The following TBC1D22A variants were observed in gnomAD, a reference collection of about 807,000 sequenced individuals.
TBC1D22A encodes the protein TBC1 domain family member 22A.
Under a neutral mutation model 60.2 loss-of-function variants are expected in TBC1D22A, and 38 were observed. The observed-to-expected ratio is 0.63, with a 90% CI of 0.49 to 0.83. The LOEUF is 0.83. Ranked by LOEUF, TBC1D22A falls within the 40% of genes least tolerant of loss-of-function variation. TBC1D22A has a pLI of 0.00. For synonymous variants in TBC1D22A, 302 were observed against 281.7 expected (o/e 1.07, Z -0.72); for missense variants, 628 against 701.0 (o/e 0.90, Z 1.18).
intron 11 of TBC1D22A, among the ~76,000 whole-genome samples, chr22:47,069,229 C>T (rs74697829): frequency 0.012 from 1,773 of 152,338 alleles, 29 homozygotes; most frequent in African/African-American, 0.04. Context: ...ATCTGGCACA[C>T]GTAGACCAAA....
intron 12 of TBC1D22A, among the ~76,000 whole-genome samples, chr22:47,122,875 G>A (rs1199636193): frequency 1.3e-5 from 2 of 152,172 alleles, no homozygotes; most frequent in Non-Finnish European, 1.5e-5. Flanking sequence ...TTCATGAGAG[G>A]CCTCAAAGCA....
intron 12 of TBC1D22A, among the ~76,000 whole-genome samples, chr22:47,114,362 C>A (rs1348125042): frequency 2.0e-5 from 3 of 151,870 alleles, no homozygotes; most frequent in Admixed American, 2.0e-4. Context: ...GGCAGAGGAG[C>A]CATGAGATTG....
chr22:47,063,635 G>T (rs1002735456), intron 11 of TBC1D22A, among the ~76,000 whole-genome samples: 2 of 152,154 alleles, frequency 1.3e-5, no homozygotes, highest in African/African-American at 4.8e-5. Flanking sequence ...GGACTGGGCT[G>T]TCACTCGCGT....
rs79174316 is a variant in TBC1D22A at position 47,061,560 on chromosome 22, C to T, written c.1329+24362C>T. Among the ~76,000 whole-genome samples the T allele has an allele frequency of 6.2e-3, 939 of 152,290 alleles. 6 individuals carry two copies. Among genetic ancestry groups the T allele is most frequent in the Non-Finnish European group, 0.01 (694 of 68,038 alleles). On this transcript the variant is annotated intron_variant, in intron 11 of 12. Coordinates refer to ENST00000337137, the MANE Select transcript of TBC1D22A (RefSeq NM_014346.5). ...CCGATCCCTCACCGCAGCTTCCCCA[C>T]ACAGTCCTAAACATATTTGCAGCGT... is the stretch of plus-strand genomic sequence containing the variant.
intron 11 of TBC1D22A, among the ~76,000 whole-genome samples, chr22:47,061,857 G>A (rs1292586216): frequency 6.6e-6 from 1 of 152,130 alleles, no homozygotes; most frequent in Non-Finnish European, 1.5e-5. Context: ...GGAGGCTGAG[G>A]CCAGCGGATC....
At chr22:46,966,540 C>T (rs1257948464) in intron 8 of TBC1D22A, among the ~76,000 whole-genome samples, 1 of 152,234 alleles carries the variant, frequency 6.6e-6, no homozygotes. Flanking sequence ...CTATGAACCA[C>T]AACTCCTACT....
intron 11 of TBC1D22A, among the ~76,000 whole-genome samples, chr22:47,076,373 A>ATGTGTGTG (rs2064222520): frequency 9.5e-6 from 1 of 104,930 alleles, no homozygotes; most frequent in African/African-American, 4.2e-5. Context: ...ATATATATAT[A>ATGTGTGTG]TATATATACA....
chr22:46,909,957 G>A (rs1204808156), intron 7 of TBC1D22A, among the ~76,000 whole-genome samples: 2 of 152,194 alleles, frequency 1.3e-5, no homozygotes, highest in African/African-American at 2.4e-5. Context: ...GGCCCCACAC[G>A]GCTCCTCTGG....
intron 12 of TBC1D22A, among the ~76,000 whole-genome samples, chr22:47,159,515 C>T (rs1470045620): frequency 6.6e-6 from 1 of 151,788 alleles, no homozygotes; most frequent in Non-Finnish European, 1.5e-5. Context: ...TGCATACTCA[C>T]CATGTTTACA....
intron 12 of TBC1D22A, among the ~76,000 whole-genome samples, chr22:47,165,158 T>C (rs1362429563): frequency 6.6e-6 from 1 of 152,072 alleles, no homozygotes; most frequent in Non-Finnish European, 1.5e-5. Context: ...CGTCGTCCCC[T>C]GTGATTGCCA....
intron 8 of TBC1D22A, among the ~76,000 whole-genome samples, chr22:46,966,650 C>T (rs577525401): frequency 3.3e-5 from 5 of 152,184 alleles, no homozygotes; most frequent in African/African-American, 9.7e-5. Flanking sequence ...AAAACGAGGA[C>T]GGCAAAAGAT....
intron 4 of TBC1D22A, among the ~76,000 whole-genome samples, chr22:46,814,546 T>A (rs1005840749): frequency 6.6e-6 from 1 of 152,124 alleles, no homozygotes; most frequent in Non-Finnish European, 1.5e-5. Context: ...AAAGCTGATC[T>A]TCTTTGTCTT....
intron 8 of TBC1D22A, chr22:46,915,274 C>T (rs1035782430): frequency 2.0e-5 from 8 of 397,006 alleles, no homozygotes; most frequent in South Asian, 5.5e-5. Context: ...GGCAGAGGCA[C>T]GGGTGCCCTC....
intron 9 of TBC1D22A, among the ~76,000 whole-genome samples, chr22:46,994,621 C>T (rs888440195): frequency 7.9e-5 from 12 of 152,210 alleles, no homozygotes; most frequent in Non-Finnish European, 8.8e-5. Flanking sequence ...CCCATGGCTC[C>T]GGAATTTGTC....
chr22:47,123,591 C>G lies in TBC1D22A; in HGVS notation c.1425+11988C>G, dbSNP rs150538841. Among the ~76,000 whole-genome samples the G allele has an allele frequency of 5.8e-3, 890 of 152,320 alleles. 8 individuals carry two copies. Among genetic ancestry groups the G allele is most frequent in the African/African-American group, 0.02 (846 of 41,576 alleles). Reference sequence around the variant, plus strand: ...CCGTGGCAGTGGGCCATGTCTCTGTCAAATGGGACTGATCTTGCAATGCTG... The same window carrying G: ...CCGTGGCAGTGGGCCATGTCTCTGTGAAATGGGACTGATCTTGCAATGCTG... On this transcript the variant is annotated intron_variant, in intron 12 of 12. Transcript: ENST00000337137.
At chr22:47,057,706 T>A (rs1475226354) in intron 11 of TBC1D22A, among the ~76,000 whole-genome samples, 1 of 152,158 alleles carries the variant, frequency 6.6e-6, no homozygotes, top group Admixed American at 6.5e-5. Flanking sequence ...TCAGATCTCA[T>A]GAGACTTACT....
rs2061693966 is a variant in TBC1D22A at position 47,009,601 on chromosome 22, A to G, written c.1201+11892A>G. Among the ~76,000 whole-genome samples the G allele has an allele frequency of 6.6e-6, 1 of 151,852 alleles. No homozygotes were observed. Among genetic ancestry groups the G allele is most frequent in the South Asian group, 2.1e-4 (1 of 4,806 alleles). The stretch of plus-strand genomic sequence containing the variant: ...TCATCACCATCACCATCATTCTGTC[A>G]TCACCATCATCATTACTATCACCAT... On this transcript the variant is annotated intron_variant, in intron 10 of 12. Coordinates refer to ENST00000337137, the MANE Select transcript of TBC1D22A (RefSeq NM_014346.5). The surrounding 1 kb of genome is among the most constrained non-coding windows in gnomAD (Gnocchi z 5.8).
At chr22:47,111,436 G>C (rs557707328) in intron 11 of TBC1D22A, 72 bp from the exon 12 acceptor site, 1 of 1,389,598 alleles carries the variant, frequency 7.2e-7, no homozygotes, top group Non-Finnish European at 1.0e-6. Flanking sequence ...CCTGACTGTC[G>C]CAGATAACCT....
At chr22:47,110,348 G>T (rs1279792907) in intron 11 of TBC1D22A, among the ~76,000 whole-genome samples, 1 of 152,020 alleles carries the variant, frequency 6.6e-6, no homozygotes, top group Non-Finnish European at 1.5e-5. Context: ...GTGTGGTGGC[G>T]CACGTCTGTA....
Sources: allele counts gnomAD v4.1 joint callset (sites outside exome capture counted in the v4.1 genomes callset), GRCh38; gene constraint gnomAD v4.1.1; non-coding constraint Gnocchi (gnomAD v3.1); transcripts MANE v1.5; gene names NCBI Gene and HGNC (gene_info 2026-07-23, HGNC 2026-07-21).